The following DIAPH3 variants were observed in gnomAD, a reference collection of about 807,000 sequenced individuals.
DIAPH3 encodes protein diaphanous homolog 3.
Under a neutral mutation model 144.3 loss-of-function variants are expected in DIAPH3, and 117 were observed. The ratio of observed to expected loss-of-function variants is 0.81; its 90% CI spans 0.70 to 0.95. DIAPH3 has a LOEUF of 0.95. DIAPH3 is among the 40% of genes least tolerant of loss of function. DIAPH3 has a pLI of 0.00. For synonymous variants in DIAPH3, 519 were observed against 488.9 expected, an observed-to-expected ratio of 1.06 and a Z score of -0.81; for missense variants, 1,421 against 1,412.7, an observed-to-expected ratio of 1.01 and a Z score of -0.09.
chr13:60,103,021 G>T (rs2058316463), intron 3 of DIAPH3, among the ~76,000 whole-genome samples: 1 of 152,068 alleles, frequency 6.6e-6, no homozygotes, highest in Non-Finnish European at 1.5e-5. Context: ...CCTACAAGTT[G>T]CATGGGGCCA....
chr13:59,853,762 G>C (rs1405485380), intron 22 of DIAPH3, among the ~76,000 whole-genome samples: 1 of 152,152 alleles, frequency 6.6e-6, no homozygotes, highest in African/African-American at 2.4e-5. Flanking sequence ...CAATGACAAA[G>C]AAAAGGGTAT....
chr13:60,012,047 A>T (rs1477821492), intron 7 of DIAPH3, among the ~76,000 whole-genome samples: 1 of 152,158 alleles, frequency 6.6e-6, no homozygotes, highest in African/African-American at 2.4e-5. Context: ...ACCAAACACT[A>T]AAAAAGGGCC....
At chr13:59,971,245 C>A (rs939945475) in intron 15 of DIAPH3, 85 bp from the exon 16 acceptor site, 2 of 1,286,292 alleles carry the variant, frequency 1.6e-6, no homozygotes, top group Non-Finnish European at 2.1e-6. Context: ...ATAAGGCATT[C>A]ATTTAAACCA....
chr13:59,765,013 T>C (rs2037797755), intron 27 of DIAPH3, among the ~76,000 whole-genome samples: 1 of 152,142 alleles, frequency 6.6e-6, no homozygotes, highest in Admixed American at 6.5e-5. Flanking sequence ...GATATCTTGA[T>C]GTCACAGGTG....
At chr13:59,861,622 G>A in intron 21 of DIAPH3, 86 bp from the exon 22 acceptor site, 1 of 1,408,204 alleles carries the variant, frequency 7.1e-7, no homozygotes, top group Non-Finnish European at 9.9e-7. Flanking sequence ...ACTGTATTTT[G>A]TAGATAAGGA....
At chr13:60,013,813 C>A (rs1244362941) in intron 7 of DIAPH3, among the ~76,000 whole-genome samples, 1 of 151,960 alleles carries the variant, frequency 6.6e-6, no homozygotes, top group Non-Finnish European at 1.5e-5. Context: ...TTAAGACAAC[C>A]ATTAACCAAT....
intron 17 of DIAPH3, among the ~76,000 whole-genome samples, chr13:59,939,694 G>A (rs1305782282): frequency 6.6e-6 from 1 of 152,128 alleles, no homozygotes; most frequent in Non-Finnish European, 1.5e-5. Context: ...CAAAAGCCAA[G>A]TTAACAATGA....
intron 2 of DIAPH3, among the ~76,000 whole-genome samples, chr13:60,121,825 G>T (rs888507712): frequency 6.6e-6 from 1 of 152,160 alleles, no homozygotes; most frequent in Non-Finnish European, 1.5e-5. Context: ...GATTTGAATT[G>T]TGATAACTGT....
intron 5 of DIAPH3, among the ~76,000 whole-genome samples, chr13:60,041,120 T>A (rs536121163): frequency 3.2e-5 from 1 of 31,638 alleles, no homozygotes; most frequent in East Asian, 2.4e-4. Context: ...TATTTTTAAA[T>A]GAACCTGGAC....
chr13:60,063,929 CA>C (rs900551516), intron 4 of DIAPH3, among the ~76,000 whole-genome samples: 3 of 145,108 alleles, frequency 2.1e-5, no homozygotes, highest in Non-Finnish European at 1.5e-5. Flanking sequence ...ACCCCCAACT[CA>C]AAAAAAAAAG....
chr13:59,833,613 A>C (rs76188925), intron 23 of DIAPH3, among the ~76,000 whole-genome samples: 6,718 of 151,898 alleles, frequency 0.044, 237 homozygotes, highest in South Asian at 0.11. Flanking sequence ...GTTGCAGCTG[A>C]ATAATTGCAA....
At chr13:59,943,910 C>T (rs937313880) in intron 17 of DIAPH3, among the ~76,000 whole-genome samples, 1 of 151,938 alleles carries the variant, frequency 6.6e-6, no homozygotes, top group Non-Finnish European at 1.5e-5. Flanking sequence ...TTGAGGCCAA[C>T]CAAGGGAAAA....
chr13:59,763,577 G>A (rs1435657836), intron 27 of DIAPH3, among the ~76,000 whole-genome samples: 9 of 152,040 alleles, frequency 5.9e-5, no homozygotes, highest in East Asian at 5.8e-4. Context: ...CCAGCTACTC[G>A]CAAGGCTGAC....
chr13:59,801,497 A>G lies in DIAPH3; in HGVS notation c.3163+9291T>C, dbSNP rs144127262. 2.0e-5 allele frequency among the ~76,000 whole-genome samples: 3 copies of G among 152,352 alleles called. No individual in the cohort carries two copies. The East Asian group carries it at 5.8e-4, about 29-fold the overall frequency. On this transcript the variant is annotated intron_variant, in intron 25 of 27. Transcript: ENST00000400324. ...TAATAGTTTAAAAATAAACATTCAA[A>G]GGATTCTATTGAACTGAAATTACTG...
chr13:59,790,808 T>G lies in DIAPH3; in HGVS notation c.3164-15985A>C, dbSNP rs549104727. On this transcript the variant is annotated intron_variant, in intron 25 of 27. Coordinates refer to ENST00000400324, the MANE Select transcript of DIAPH3 (RefSeq NM_001042517.2). ...AACTTTCAATGAACTCATTAACAATTGTAAAAAAACTGGAGGCAAAAATGT... is the reference window on the plus strand; with the variant it reads ...AACTTTCAATGAACTCATTAACAATGGTAAAAAAACTGGAGGCAAAAATGT... 1.1e-3 allele frequency among the ~76,000 whole-genome samples: 162 copies of G among 152,182 alleles called. 1 individual carries two copies. Among genetic ancestry groups the G allele is most frequent in the Middle Eastern group, 6.8e-3 (2 of 294 alleles).
intron 21 of DIAPH3, among the ~76,000 whole-genome samples, chr13:59,871,812 G>T (rs2044297087): frequency 6.6e-6 from 1 of 152,106 alleles, no homozygotes; most frequent in South Asian, 2.1e-4. Context: ...TTCCTCTAGT[G>T]TGACTTTTGG....
At chr13:59,784,013 T>C (rs1379651411) in intron 25 of DIAPH3, among the ~76,000 whole-genome samples, 1 of 152,224 alleles carries the variant, frequency 6.6e-6, no homozygotes, top group African/African-American at 2.4e-5. Flanking sequence ...TGTGCTTTTA[T>C]AGCTCCTTCT....
chr13:60,036,294 C>G (rs1181808115), intron 5 of DIAPH3, among the ~76,000 whole-genome samples: 1 of 152,100 alleles, frequency 6.6e-6, no homozygotes, highest in Non-Finnish European at 1.5e-5. Context: ...ATATGCAGAA[C>G]CAAGGCCCCT....
intron 17 of DIAPH3, among the ~76,000 whole-genome samples, chr13:59,930,368 A>C (rs1317547765): frequency 6.6e-6 from 1 of 152,236 alleles, no homozygotes; most frequent in Non-Finnish European, 1.5e-5. Flanking sequence ...GTTATAGTGA[A>C]AACTACACAA....
Sources: gnomAD v4.1 joint callset for allele counts (sites outside exome capture counted in the v4.1 genomes callset) on GRCh38, gnomAD v4.1.1 for gene constraint, MANE v1.5 for transcripts, NCBI Gene and HGNC (gene_info 2026-07-23, HGNC 2026-07-21) for gene names.